SIRT4: variants seen among roughly 807,000 people sequenced by gnomAD.
SIRT4 encodes the protein NAD-dependent protein lipoamidase sirtuin-4, mitochondrial.
Under a neutral mutation model 26.1 loss-of-function variants are expected in SIRT4, and 23 were observed. The ratio of observed to expected loss-of-function variants is 0.88; its 90% confidence interval spans 0.63 to 1.25. The LOEUF is 1.25. Ranked by LOEUF, SIRT4 falls within the 50% of genes most tolerant of loss-of-function variation. The pLI is 0.00. For synonymous variants in SIRT4, 155 were observed against 158.4 expected (o/e 0.98, Z 0.16); for missense variants, 361 against 405.4 (o/e 0.89, Z 0.94).
chr12:120,298,871 C>T (rs1872432719), upstream of SIRT4, among the ~76,000 whole-genome samples: 1 of 150,312 alleles, frequency 6.7e-6, no homozygotes, highest in African/African-American at 2.5e-5. Flanking sequence ...CGTGCCACTG[C>T]ACTCCAGCCT....
At chr12:120,293,032 C>CCCAAA in the SIRT4 span, 1 of 150,260 alleles carries the variant, frequency 6.7e-6, no homozygotes, top group East Asian at 1.9e-4. Flanking sequence ...TCTTCAACCT[C>CCCAAA]CCAAAACCAA....
upstream of SIRT4, among the ~76,000 whole-genome samples, chr12:120,299,474 C>T (rs1872466876): frequency 1.3e-5 from 2 of 151,302 alleles, no homozygotes; most frequent in African/African-American, 4.9e-5. Flanking sequence ...ATCACTTCAG[C>T]CGGGAAGGCA....
At chr12:120,292,845 A>C in the SIRT4 span, among the ~76,000 whole-genome samples, 1 of 145,690 alleles carries the variant, frequency 6.9e-6, no homozygotes, top group Admixed American at 6.9e-5. Flanking sequence ...AGGACAGCCA[A>C]CTGGCAAGAA....
intron 2 of SIRT4, among the ~76,000 whole-genome samples, chr12:120,310,218 T>TGCCACG (rs1372929498): frequency 1.3e-5 from 2 of 151,756 alleles, no homozygotes; most frequent in Non-Finnish European, 2.9e-5. Context: ...TCACAAAAAT[T>TGCCACG]AGCTGGGCGT....
chr12:120,312,806 A>G, intron 3 of SIRT4, 56 bp downstream of exon 3: 3 of 1,606,734 alleles, frequency 1.9e-6, no homozygotes, highest in Non-Finnish European at 2.6e-6. Flanking sequence ...GGAGTCCTGG[A>G]GAGACACCCT....
rs10707396 is a variant in SIRT4, at chr12:120,308,165, C to CTT, written c.497+4127_497+4128dup. 7.2e-3 allele frequency among the ~76,000 whole-genome samples: 612 copies of CTT among 84,966 alleles called. 8 individuals carry two copies. Among genetic ancestry groups the CTT allele is most frequent in the African/African-American group, 0.022 (482 of 21,800 alleles). 55.7% of individuals were successfully genotyped at this position (84,966 alleles called of 152,430 possible). On this transcript the variant is annotated intron_variant, in intron 2 of 3. Coordinates refer to ENST00000202967, the MANE Select transcript of SIRT4 (RefSeq NM_012240.3). ...AGCCACCATGCCTGGCCCAAGAAAG[C>CTT]TTTTTTTTTTTTTTTTTTTTTGAAA... is the stretch of plus-strand genomic sequence containing the variant.
At chr12:120,292,172 T>C in the SIRT4 span, among the ~76,000 whole-genome samples, 1 of 152,230 alleles carries the variant, frequency 6.6e-6, no homozygotes, top group Non-Finnish European at 1.5e-5. Flanking sequence ...GAGACTTGAA[T>C]TTTGAGCGAG....
In SIRT4 at chr12:120,303,557, C is replaced by T. The variant is rs771237413; in HGVS notation, c.-1-4C>T. On this transcript the variant is annotated splice_region_variant and splice_polypyrimidine_tract_variant and intron_variant, in intron 1 of 3. Transcript: ENST00000202967. The stretch of plus-strand genomic sequence containing the variant: ...TTTCTCACATGAGGCTTCTTTTTCT[C>T]TAGAATGAAGATGAGCTTTGCGTTG... 2.0e-5 allele frequency: 31 copies of T among 1,575,172 alleles called. No homozygotes were observed. Among genetic ancestry groups the T allele is most frequent in the Non-Finnish European group, 2.4e-5 (28 of 1,165,918 alleles).
intron 2 of SIRT4, among the ~76,000 whole-genome samples, chr12:120,306,285 G>A (rs868106456): frequency 1.3e-5 from 2 of 151,920 alleles, no homozygotes; most frequent in African/African-American, 4.8e-5. Flanking sequence ...AGACCAGCCT[G>A]ACCAACATGG....
At chr12:120,293,142 A>G in the SIRT4 span, 1 of 152,220 alleles carries the variant, frequency 6.6e-6, no homozygotes, top group African/African-American at 2.4e-5. Context: ...CTATATTGCA[A>G]GTCGTCACGG....
At chr12:120,307,040 G>A (rs182069617) in intron 2 of SIRT4, among the ~76,000 whole-genome samples, 26 of 152,212 alleles carry the variant, frequency 1.7e-4, no homozygotes. Context: ...GTAGCTAATT[G>A]GAGACTTATT....
the SIRT4 span, among the ~76,000 whole-genome samples, chr12:120,293,683 C>T: frequency 6.6e-6 from 1 of 152,154 alleles, no homozygotes; most frequent in Non-Finnish European, 1.5e-5. Flanking sequence ...AATATGTTCA[C>T]ATTGTTGTGT....
intron 2 of SIRT4, among the ~76,000 whole-genome samples, chr12:120,309,759 A>G (rs1454289653): frequency 7.7e-6 from 1 of 130,524 alleles, no homozygotes; most frequent in Non-Finnish European, 1.6e-5. Context: ...TCTGTCACCT[A>G]GGCTGGAGTA....
At chr12:120,308,705 C>T (rs983266415) in intron 2 of SIRT4, among the ~76,000 whole-genome samples, 1 of 152,096 alleles carries the variant, frequency 6.6e-6, no homozygotes, top group African/African-American at 2.4e-5. Flanking sequence ...TGCTGTGAGA[C>T]ACCAAAGGGG....
the SIRT4 span, chr12:120,293,059 A>C: frequency 7.5e-6 from 1 of 133,352 alleles, no homozygotes; most frequent in African/African-American, 2.9e-5. Flanking sequence ...CCACACACAC[A>C]AAAAAAGCCT....
At chr12:120,310,800 A>T (rs1284872861) in intron 2 of SIRT4, among the ~76,000 whole-genome samples, 2 of 150,060 alleles carry the variant, frequency 1.3e-5, no homozygotes, top group Non-Finnish European at 3.0e-5. Context: ...CAGTGGTGCT[A>T]TCTCGGCTCA....
At chr12:120,299,430 T>C (rs911063432), upstream of SIRT4, among the ~76,000 whole-genome samples, 13 of 150,478 alleles carry the variant, frequency 8.6e-5, no homozygotes, top group African/African-American at 2.7e-4. Context: ...CGAGCGCCTG[T>C]AATCCTAGCT....
chr12:120,291,785 T>C, the SIRT4 span: 8 of 152,194 alleles, frequency 5.3e-5, no homozygotes, highest in African/African-American at 9.7e-5. Flanking sequence ...CTGTCAAAAA[T>C]TGCCAATGCC....
Position 120,303,963 on chromosome 12 carries a change from C to T in SIRT4, c.402C>T (p.Leu134=), listed in dbSNP as rs200820893. 71 of 1,614,036 alleles carry T rather than the reference C, an allele frequency of 4.4e-5. No homozygotes were observed. The highest frequency in any genetic ancestry group is 6.7e-5 in the East Asian group (3 of 44,894). The part of the protein sequence containing the change: ...AHWALSTWEK[L]GKLYWLVTQN... ...GGGCTTTGAGCACCTGGGAGAAACT[C>T]GGAAAGCTGTACTGGTTGGTGACCC... The change falls in exon 2 of 4, where the codon CTC becomes CTT. Residue 134 remains leucine (L), a synonymous_variant. Transcript: ENST00000202967.
Sources: allele counts gnomAD v4.1 joint callset (sites outside exome capture counted in the v4.1 genomes callset), GRCh38; gene constraint gnomAD v4.1.1; transcripts MANE v1.5; gene names NCBI Gene and HGNC (gene_info 2026-07-23, HGNC 2026-07-21).